KDM4B: variants seen among roughly 807,000 people sequenced by gnomAD.
The protein encoded by KDM4B is lysine-specific demethylase 4B.
KDM4B carries 32 observed loss-of-function variants against 125.2 expected under a neutral mutation model. The ratio of observed to expected loss-of-function variants is 0.26; its 90% CI spans 0.19 to 0.34. KDM4B has a LOEUF of 0.34. Ranked by LOEUF, KDM4B falls within the 10% of genes least tolerant of loss-of-function variation. The pLI is 1.00. For synonymous variants in KDM4B, 721 were observed against 677.9 expected (o/e 1.06, Z -0.99); for missense variants, 1,190 against 1,577.7 (o/e 0.75, Z 4.16).
chr19:5,113,760 C>A lies in KDM4B; in HGVS notation c.1115+2942C>A, dbSNP rs2039198396. ...GATGTCCCTAGACATCGCCCAGTCC[C>A]CCGCGTGGGAACCCCTGCCCTAGAC... On this transcript the variant is annotated intron_variant, in intron 10 of 22. Coordinates refer to ENST00000159111, the MANE Select transcript of KDM4B (RefSeq NM_015015.3). The A allele has an allele frequency of 5.4e-6, 2 of 370,802 alleles. 1 individual carries two copies. Among genetic ancestry groups the A allele is most frequent in the South Asian group, 2.2e-4 (2 of 9,028 alleles). 23.0% of individuals were successfully genotyped at this position (370,802 alleles called of 1,614,324 possible).
chr19:4,985,706 G>T (rs868625475), intron 1 of KDM4B, among the ~76,000 whole-genome samples: 1 of 152,248 alleles, frequency 6.6e-6, no homozygotes, highest in Non-Finnish European at 1.5e-5. Flanking sequence ...AGCCTGGATG[G>T]TGAGCGGATG....
chr19:5,114,307 A>C lies in KDM4B; in HGVS notation c.1115+3489A>C. 8.9e-7 allele frequency: 1 copy of C among 1,122,184 alleles called. No individual in the cohort carries two copies. The highest frequency in any genetic ancestry group is 1.2e-6 in the Non-Finnish European group (1 of 835,694). The allele number at this position is 1,122,184 out of a possible 1,614,324, so 69.5% of individuals were successfully genotyped here. A position where few individuals can be genotyped will look rare whatever the true frequency, so the allele number is the denominator to read the frequency against. On this transcript the variant is annotated intron_variant, in intron 10 of 22. Coordinates refer to ENST00000159111, the MANE Select transcript of KDM4B (RefSeq NM_015015.3). The surrounding 1 kb of genome is among the most constrained non-coding windows in gnomAD (Gnocchi z 5.8). ...CTGCTCTGTGAGCCCGGCTGGGCCCAGGCCTCGTCTCCCCTACCCCTCCGA... is the reference window on the plus strand; with the variant it reads ...CTGCTCTGTGAGCCCGGCTGGGCCCCGGCCTCGTCTCCCCTACCCCTCCGA...
intron 1 of KDM4B, among the ~76,000 whole-genome samples, chr19:4,976,965 T>G (rs951317151): frequency 1.3e-5 from 2 of 152,256 alleles, no homozygotes; most frequent in African/African-American, 4.8e-5. Flanking sequence ...AAATAAACAA[T>G]CTGGAGAGGC....
In KDM4B at chr19:5,114,005, TG is replaced by T. The variant is rs1260302327; in HGVS notation, c.1115+3192del. ...GAACTAAATCTCGTTGAGCGAGCGT[TG>T]GGGGCTGTTTGTATTCTTCCCCCTG... On this transcript the variant is annotated intron_variant, in intron 10 of 22. Coordinates refer to ENST00000159111, the MANE Select transcript of KDM4B (RefSeq NM_015015.3). The surrounding 1 kb of genome is among the most constrained non-coding windows in gnomAD (Gnocchi z 5.8). The T allele has an allele frequency of 9.5e-6, 12 of 1,269,700 alleles. No homozygotes were observed. Among genetic ancestry groups the T allele is most frequent in the Non-Finnish European group, 1.2e-5 (12 of 978,312 alleles). The allele number at this position is 1,269,700 out of a possible 1,614,324, so 78.7% of individuals were successfully genotyped here. A position where few individuals can be genotyped will look rare whatever the true frequency, so the allele number is the denominator to read the frequency against.
At position 5,141,230 on chromosome 19, in the gene KDM4B, G is replaced by C. The variant is rs1363375177; in HGVS notation, c.2551-2737G>C. ...AGGGGAGCCCTCTTTCCTTGTTCGT[G>C]GAGTGGAGTGTGCAGTGGGTCACGC... On this transcript the variant is annotated intron_variant, in intron 18 of 22. Transcript: ENST00000159111. The surrounding 1 kb of genome is among the most constrained non-coding windows in gnomAD (Gnocchi z 6.4). 6.6e-6 allele frequency: 1 copy of C among 152,242 alleles called. No individual in the cohort carries two copies. The highest frequency in any genetic ancestry group is 1.5e-5 in the Non-Finnish European group (1 of 68,050). 9.4% of individuals were successfully genotyped at this position (152,242 alleles called of 1,614,324 possible).
chr19:5,109,368 C>T (rs1052503889), intron 9 of KDM4B, among the ~76,000 whole-genome samples: 5 of 152,182 alleles, frequency 3.3e-5, no homozygotes, highest in African/African-American at 1.2e-4. Context: ...GGCCCCAAGT[C>T]CCTGAAATGT....
intron 1 of KDM4B, among the ~76,000 whole-genome samples, chr19:4,991,359 A>G (rs1254992666): frequency 6.6e-6 from 1 of 151,956 alleles, no homozygotes; most frequent in Non-Finnish European, 1.5e-5. Context: ...CACACCTGTC[A>G]TCCAGGCACT....
At chr19:4,980,218 A>T (rs1452896360) in intron 1 of KDM4B, among the ~76,000 whole-genome samples, 1 of 152,160 alleles carries the variant, frequency 6.6e-6, no homozygotes, top group East Asian at 1.9e-4. Flanking sequence ...CTCTGCCTCC[A>T]CCAGTGGTCA....
chr19:5,007,922 G>T (rs1216121272), intron 1 of KDM4B, among the ~76,000 whole-genome samples: 1 of 152,070 alleles, frequency 6.6e-6, no homozygotes, highest in Non-Finnish European at 1.5e-5. Context: ...TGGTGTTTTA[G>T]CCAGAAATCT....
intron 1 of KDM4B, among the ~76,000 whole-genome samples, chr19:4,970,041 C>T (rs1040619595): frequency 6.6e-6 from 1 of 152,068 alleles, no homozygotes; most frequent in Admixed American, 6.5e-5. Flanking sequence ...TTTTCTGTGT[C>T]CCCCGTGGAC....
chr19:5,017,711 G>A lies in KDM4B; in HGVS notation c.-26+1372G>A, dbSNP rs371687587. 4.6e-5 allele frequency among the ~76,000 whole-genome samples: 7 copies of A among 152,092 alleles called. No individual in the cohort carries two copies. The East Asian group carries it at 5.8e-4, about 13-fold the overall frequency. ...ACAGCATGAACCAAGTAAGCAACTT[G>A]CTCTGTCAGTTAGCTTTATTATTTA... On this transcript the variant is annotated intron_variant, in intron 2 of 22. Coordinates refer to ENST00000159111, the MANE Select transcript of KDM4B (RefSeq NM_015015.3).
intron 9 of KDM4B, among the ~76,000 whole-genome samples, chr19:5,102,579 G>A (rs998647744): frequency 6.6e-6 from 1 of 152,180 alleles, no homozygotes; most frequent in Non-Finnish European, 1.5e-5. Flanking sequence ...GGCCGGGGCC[G>A]GGGTGGCATC....
intron 1 of KDM4B, among the ~76,000 whole-genome samples, chr19:4,985,151 C>T (rs553998090): frequency 1.3e-5 from 2 of 152,106 alleles, no homozygotes; most frequent in Non-Finnish European, 2.9e-5. Flanking sequence ...TGGTGAAACC[C>T]CTTCTCTACT....
intron 1 of KDM4B, among the ~76,000 whole-genome samples, chr19:5,002,363 C>A (rs776123256): frequency 3.3e-5 from 5 of 152,024 alleles, no homozygotes; most frequent in Non-Finnish European, 7.4e-5. Flanking sequence ...TTTTCTTTTG[C>A]CCTGCAGAGT....
intron 9 of KDM4B, among the ~76,000 whole-genome samples, chr19:5,092,205 A>G (rs1436366361): frequency 2.6e-5 from 4 of 152,164 alleles, no homozygotes; most frequent in African/African-American, 9.7e-5. Context: ...CTCCCTCGGC[A>G]CTGCGGACAT....
chr19:5,048,749 G>A (rs2037122275), intron 6 of KDM4B, among the ~76,000 whole-genome samples: 1 of 152,272 alleles, frequency 6.6e-6, no homozygotes, highest in South Asian at 2.1e-4. Context: ...TGTGACTTGG[G>A]GCAAAGCGTG....
chr19:4,972,393 A>G (rs1346960378), intron 1 of KDM4B, among the ~76,000 whole-genome samples: 1 of 152,168 alleles, frequency 6.6e-6, no homozygotes, highest in Non-Finnish European at 1.5e-5. Context: ...TGAAGCTTGC[A>G]GGGTGCCAGG....
chr19:5,021,795 G>A (rs2036129611), intron 2 of KDM4B, among the ~76,000 whole-genome samples: 4 of 151,820 alleles, frequency 2.6e-5, no homozygotes. Flanking sequence ...CACCATGCCC[G>A]GCTAATTTTT....
intron 1 of KDM4B, among the ~76,000 whole-genome samples, chr19:5,000,983 C>A (rs1244531735): frequency 6.6e-6 from 1 of 152,072 alleles, no homozygotes; most frequent in Non-Finnish European, 1.5e-5. Context: ...GTCTCTGGCT[C>A]AGCCTTTCAG....
Sources: gnomAD v4.1 joint callset for allele counts (sites outside exome capture counted in the v4.1 genomes callset) on GRCh38, gnomAD v4.1.1 for gene constraint, Gnocchi (gnomAD v3.1) non-coding constraint, MANE v1.5 for transcripts, NCBI Gene and HGNC (gene_info 2026-07-23, HGNC 2026-07-21) for gene names.